Variants in CDK17 observed in about 807,000 individuals in gnomAD.
CDK17 encodes cyclin dependent kinase 17.
CDK17 carries 24 observed loss-of-function variants against 77.6 expected under a neutral mutation model. The ratio of observed to expected loss-of-function variants is 0.31; its 90% CI spans 0.22 to 0.44. The LOEUF (loss-of-function observed/expected upper bound fraction) is 0.44, where lower values mean the gene tolerates loss of function less well. Among genes scored for constraint, CDK17 ranks in the 20% least tolerant of loss-of-function variants. The pLI is 1.00. For synonymous variants in CDK17, 203 were observed against 210.4 expected (o/e 0.96, Z 0.30); for missense variants, 429 against 622.5 (o/e 0.69, Z 3.31).
chr12:96,390,623 C>T (rs953320250), intron 1 of CDK17, among the ~76,000 whole-genome samples: 4 of 147,666 alleles, frequency 2.7e-5, no homozygotes, highest in Non-Finnish European at 6.0e-5. Context: ...GCAGGAGAAT[C>T]GCCTGAACCT....
At chr12:96,326,334 A>T (rs1952891227) in intron 2 of CDK17, among the ~76,000 whole-genome samples, 1 of 152,226 alleles carries the variant, frequency 6.6e-6, no homozygotes, top group African/African-American at 2.4e-5. Context: ...ACACACACGA[A>T]GTCAGGTAAT....
At chr12:96,317,473 A>C (rs1462448140) in intron 3 of CDK17, among the ~76,000 whole-genome samples, 1 of 111,806 alleles carries the variant, frequency 8.9e-6, no homozygotes. Context: ...CCTCGAGAAG[A>C]GCAACTCCAA....
chr12:96,323,717 T>C (rs1005147681), intron 3 of CDK17, among the ~76,000 whole-genome samples: 2 of 152,188 alleles, frequency 1.3e-5, no homozygotes, highest in African/African-American at 4.8e-5. Context: ...CATCCATTTA[T>C]TATGGGTTTC....
At chr12:96,311,289 G>A in intron 4 of CDK17, 112 bp from the exon 5 acceptor site, 1 of 915,106 alleles carries the variant, frequency 1.1e-6, no homozygotes, top group Non-Finnish European at 1.5e-6. Flanking sequence ...AAGTTTTATT[G>A]CAGTTGCAAA....
At position 96,298,879 on chromosome 12, in the gene CDK17, A is replaced by G; in HGVS notation, c.705T>C (p.Ala235=). 1 of 1,559,278 alleles carries G rather than the reference A, an allele frequency of 6.4e-7. No homozygotes were observed. Among genetic ancestry groups the G allele is most frequent in the Non-Finnish European group, 8.8e-7 (1 of 1,135,246 alleles). ...LEHEEGAPCT[A]IREVSLLKDL... is the part of the protein sequence containing the mutation. ...GTATAATTATTATACCTTCTCTTATAGCTGTGCAGGGTGCACCTTCTTCAT... is the reference window on the plus strand; with the variant it reads ...GTATAATTATTATACCTTCTCTTATGGCTGTGCAGGGTGCACCTTCTTCAT... The change falls in exon 7 of 17, where the codon GCT becomes GCC. Residue 235 remains alanine (A), a synonymous_variant. Transcript: ENST00000261211.
intron 3 of CDK17, among the ~76,000 whole-genome samples, chr12:96,317,477 A>G (rs1419440570): frequency 9.0e-6 from 1 of 110,588 alleles, no homozygotes; most frequent in Non-Finnish European, 1.9e-5. Context: ...GAGAAGAGCA[A>G]CTCCAAGACA....
intron 1 of CDK17, among the ~76,000 whole-genome samples, chr12:96,389,289 C>T (rs986578220): frequency 7.9e-5 from 12 of 151,878 alleles, no homozygotes; most frequent in Non-Finnish European, 1.3e-4. Context: ...GTTAAAATAA[C>T]GAGCTTATAG....
At chr12:96,352,575 C>G (rs1953328042) in intron 1 of CDK17, among the ~76,000 whole-genome samples, 1 of 152,140 alleles carries the variant, frequency 6.6e-6, no homozygotes, top group Admixed American at 6.6e-5. Context: ...GTGTCCTCAT[C>G]CTGCCTTCAC....
chr12:96,355,222 G>A, intron 1 of CDK17, among the ~76,000 whole-genome samples: 1 of 151,626 alleles, frequency 6.6e-6, no homozygotes, highest in East Asian at 1.9e-4. Flanking sequence ...TGCTTGGAAT[G>A]CATTTTCTCC....
rs763059792 is a variant in CDK17 at position 96,300,292 on chromosome 12, A to G, written c.600+12T>C. 57 of 1,551,334 alleles carry G rather than the reference A, an allele frequency of 3.7e-5. No homozygotes were observed. The highest frequency in any genetic ancestry group is 3.5e-4 in the South Asian group (30 of 84,948). Reference sequence around the variant, plus strand: ...AAAAAATGTGTCTTACATTTTTGAGATATTTACTTACCTCTCCAAGCTTTT... The same window carrying G: ...AAAAAATGTGTCTTACATTTTTGAGGTATTTACTTACCTCTCCAAGCTTTT... On this transcript the variant is annotated intron_variant, in intron 6 of 16. Coordinates refer to ENST00000261211, the MANE Select transcript of CDK17 (RefSeq NM_002595.5).
intron 1 of CDK17, among the ~76,000 whole-genome samples, chr12:96,365,149 C>T (rs532504140): frequency 6.6e-6 from 1 of 152,104 alleles, no homozygotes; most frequent in East Asian, 1.9e-4. Context: ...GCTTTTTTCT[C>T]AAAGATGAGA....
intron 8 of CDK17, 145 bp from the exon 9 acceptor site, chr12:96,297,477 A>C: frequency 1.4e-6 from 1 of 737,908 alleles, no homozygotes; most frequent in Non-Finnish European, 2.3e-6. Context: ...AAAACTGATA[A>C]CTAAATAATA....
chr12:96,355,478 C>G (rs1001618227), intron 1 of CDK17, among the ~76,000 whole-genome samples: 4 of 140,964 alleles, frequency 2.8e-5, no homozygotes, highest in African/African-American at 1.1e-4. Context: ...GATCTCAGCT[C>G]ACTGCAGCCC....
chr12:96,323,768 C>T (rs979871779), intron 3 of CDK17, among the ~76,000 whole-genome samples, 180 bp downstream of exon 3: 2 of 152,284 alleles, frequency 1.3e-5, no homozygotes, highest in African/African-American at 4.8e-5. Flanking sequence ...TATTACTTCC[C>T]TGTATTGTCA....
intron 1 of CDK17, among the ~76,000 whole-genome samples, chr12:96,349,651 A>T (rs891558592): frequency 2.4e-4 from 36 of 152,268 alleles, no homozygotes; most frequent in African/African-American, 8.4e-4. Context: ...ATAAAAACTC[A>T]CAGCTAATAT....
intron 1 of CDK17, among the ~76,000 whole-genome samples, chr12:96,341,925 A>G (rs543987736): frequency 1.3e-5 from 2 of 152,348 alleles, no homozygotes; most frequent in African/African-American, 4.8e-5. Context: ...TGTTTTTGAA[A>G]TATTCTTAAA....
chr12:96,298,065 CG>C (rs1467368506), intron 7 of CDK17, among the ~76,000 whole-genome samples: 6 of 151,916 alleles, frequency 3.9e-5, no homozygotes, highest in Non-Finnish European at 8.8e-5. Flanking sequence ...CCAAGGCGGG[CG>C]GATCGTGAGG....
At chr12:96,376,908 GA>G (rs746648333) in intron 1 of CDK17, among the ~76,000 whole-genome samples, 2 of 152,046 alleles carry the variant, frequency 1.3e-5, no homozygotes, top group African/African-American at 2.4e-5. Flanking sequence ...ATAATCAGTA[GA>G]AAAAATACTA....
At chr12:96,387,249 G>A (rs1953991585) in intron 1 of CDK17, 1 of 224,414 alleles carries the variant, frequency 4.5e-6, no homozygotes, top group Non-Finnish European at 9.3e-6. Context: ...CAGCAACCAA[G>A]GACCGACCAA....
Sources: gnomAD v4.1 joint callset for allele counts (sites outside exome capture counted in the v4.1 genomes callset) on GRCh38, gnomAD v4.1.1 for gene constraint, MANE v1.5 for transcripts, NCBI Gene and HGNC (gene_info 2026-07-23, HGNC 2026-07-21) for gene names.